CEP290: variants seen among roughly 807,000 people sequenced by gnomAD.
The protein encoded by CEP290 is centrosomal protein 290.
A neutral mutation model predicts 344.9 loss-of-function variants in CEP290; 317 were observed. The observed-to-expected ratio is 0.92, with a 90% CI of 0.84 to 1.01. The LOEUF (loss-of-function observed/expected upper bound fraction) is 1.01, where lower values mean the gene tolerates loss of function less well. Ranked by LOEUF, CEP290 falls within the 50% of genes least tolerant of loss-of-function variation. CEP290 has a pLI of 0.00. For synonymous variants in CEP290, 932 were observed against 895.8 expected, an observed-to-expected ratio of 1.04 and a Z score of -0.72; for missense variants, 2,754 against 2,761.4, an observed-to-expected ratio of 1.00 and a Z score of 0.06.
At chr12:88,051,795 A>C (rs1333408812) in intron 52 of CEP290, 1 of 152,134 alleles carries the variant, frequency 6.6e-6, no homozygotes, top group Non-Finnish European at 1.5e-5. Context: ...GAAAATTATA[A>C]AATTTTCCTC....
intron 18 of CEP290, 25 bp downstream of exon 18, chr12:88,117,006 ACT>A (rs1193849722): frequency 1.0e-6 from 1 of 968,410 alleles, no homozygotes; most frequent in Non-Finnish European, 1.6e-6. Flanking sequence ...ATTTTCCTTT[ACT>A]CTCTTTGCAA....
At chr12:88,050,810 C>T (rs1475200431) in intron 52 of CEP290, among the ~76,000 whole-genome samples, 1 of 152,154 alleles carries the variant, frequency 6.6e-6, no homozygotes, top group Non-Finnish European at 1.5e-5. Flanking sequence ...TAGCCAAATG[C>T]TCCCGCTATC....
intron 52 of CEP290, 98 bp from the exon 53 acceptor site, chr12:88,050,531 A>C: frequency 1.7e-6 from 1 of 583,392 alleles, no homozygotes; most frequent in Non-Finnish European, 3.0e-6. Context: ...ACATTTTATG[A>C]AACCTAGAAC....
intron 52 of CEP290, among the ~76,000 whole-genome samples, chr12:88,051,422 C>G (rs186763494): frequency 6.6e-6 from 1 of 152,236 alleles, no homozygotes; most frequent in East Asian, 1.9e-4. Context: ...TGGTCTCGAA[C>G]TCCTGACCTC....
At chr12:88,079,926 T>C (rs2036067862) in intron 38 of CEP290, among the ~76,000 whole-genome samples, 1 of 152,170 alleles carries the variant, frequency 6.6e-6, no homozygotes, top group African/African-American at 2.4e-5. Context: ...GTAATGTACA[T>C]TAAGATTTTT....
intron 25 of CEP290, among the ~76,000 whole-genome samples, chr12:88,105,101 A>G (rs2038181075): frequency 1.3e-5 from 2 of 152,192 alleles, no homozygotes; most frequent in Admixed American, 6.5e-5. Flanking sequence ...ACTAAAAGGA[A>G]CCTGGGCTCT....
At chr12:88,088,950 A>G (rs1468318119) in intron 31 of CEP290, 82 bp downstream of exon 31, 2 of 980,364 alleles carry the variant, frequency 2.0e-6, no homozygotes, top group East Asian at 5.2e-5. Context: ...AGTTCCAGCT[A>G]TGTTTGCACC....
intron 5 of CEP290, among the ~76,000 whole-genome samples, chr12:88,138,320 C>T (rs957546027): frequency 6.6e-6 from 1 of 152,184 alleles, no homozygotes; most frequent in African/African-American, 2.4e-5. Flanking sequence ...AGCTACCTAG[C>T]TAAACACTAA....
chr12:88,097,741 T>C (rs527625537), intron 26 of CEP290, among the ~76,000 whole-genome samples: 9 of 152,262 alleles, frequency 5.9e-5, no homozygotes, highest in African/African-American at 2.2e-4. Context: ...ACTAAAGCTG[T>C]ACATTCATTT....
intron 43 of CEP290, among the ~76,000 whole-genome samples, chr12:88,069,602 T>C (rs1382144537): frequency 6.6e-6 from 1 of 152,156 alleles, no homozygotes; most frequent in African/African-American, 2.4e-5. Flanking sequence ...GTTTTCCCTA[T>C]CAAGGAAACT....
intron 27 of CEP290, 53 bp from the exon 28 acceptor site, chr12:88,094,028 T>C (rs2037249562): frequency 2.2e-6 from 3 of 1,335,706 alleles, no homozygotes; most frequent in Admixed American, 4.6e-5. Flanking sequence ...TAAAATTACC[T>C]CAGATATTTT....
Position 88,083,150 on chromosome 12 carries a change from T to G in CEP290, c.4893A>C (p.Ala1631=), listed in dbSNP as rs752956198. Residue 1631 remains alanine (A), a synonymous_variant, in exon 37 of 54, where the codon GCA becomes GCC. Transcript: ENST00000552810. ...IRLAEMEQTV[A]EQDDSLSSLL... The stretch of plus-strand genomic sequence containing the variant: ...GTGAGGAAAGAGAGTCATCTTGTTC[T>G]GCTACTGTCTGTTCCATCTCAGCCA... The G allele has an allele frequency of 1.3e-6, 2 of 1,556,538 alleles. No homozygotes were observed. Among genetic ancestry groups the G allele is most frequent in the Non-Finnish European group, 1.7e-6 (2 of 1,150,434 alleles).
chr12:88,118,412 C>T, intron 17 of CEP290, 71 bp downstream of exon 17: 1 of 1,238,444 alleles, frequency 8.1e-7, no homozygotes, highest in Non-Finnish European at 1.1e-6. Context: ...AGCTAAGACA[C>T]AAATAATTTC....
chr12:88,129,165 T>TAC (rs2039917018), intron 10 of CEP290, 130 bp from the exon 11 acceptor site: 3 of 314,614 alleles, frequency 9.5e-6, no homozygotes, highest in Non-Finnish European at 1.7e-5. Context: ...CATACTTATA[T>TAC]ACACATACAT....
At chr12:88,139,452 T>G in intron 4 of CEP290, 43 bp downstream of exon 4, 1 of 1,390,702 alleles carries the variant, frequency 7.2e-7, no homozygotes, top group South Asian at 1.4e-5. Context: ...ACAAATGGAA[T>G]TCATTATTTA....
rs1348715646 is a variant in CEP290 at position 88,083,107 on chromosome 12, T to C, written c.4936A>G (p.Lys1646Glu). 6.5e-7 allele frequency: 1 copy of C among 1,542,284 alleles called. No individual in the cohort carries two copies. ...SLSSLLVKLK[K>E]VSQDLERQRE... ...TGTCTCTCCAAATCTTGTGATACTT[T>C]CTTTAGTTTGACCAAGAGTGAGGAA... Residue 1646 changes from lysine to glutamate, a missense_variant, in exon 37 of 54, where the codon AAA (lysine) becomes GAA (glutamate). Coordinates refer to ENST00000552810, the MANE Select transcript of CEP290 (RefSeq NM_025114.4).
At position 88,130,277 on chromosome 12, in the gene CEP290, A is replaced by G. The variant is rs777201814; in HGVS notation, c.660T>C (p.Asp220=). The change falls in exon 9 of 54, where the codon GAT becomes GAC. Residue 220 remains aspartate (D), a synonymous_variant. Transcript: ENST00000552810. ...CTTCTAGCCATTTTACCTGAATTTCATCAAGATATTGGATAAGCTCATAGT... is the reference window on the plus strand; with the variant it reads ...CTTCTAGCCATTTTACCTGAATTTCGTCAAGATATTGGATAAGCTCATAGT... ...KKNYELIQYL[D]EIQTLTEANE... The G allele has an allele frequency of 3.8e-5, 61 of 1,599,330 alleles. No homozygotes were observed. The highest frequency in any genetic ancestry group is 4.9e-5 in the Non-Finnish European group (58 of 1,176,134).
intron 8 of CEP290, 45 bp from the exon 9 acceptor site, chr12:88,130,465 A>G: frequency 6.3e-7 from 1 of 1,597,886 alleles, no homozygotes; most frequent in Non-Finnish European, 8.5e-7. Context: ...ACTATTCAGA[A>G]TAACAAAATC....
intron 11 of CEP290, among the ~76,000 whole-genome samples, chr12:88,127,038 A>G (rs1294766634): frequency 3.3e-5 from 5 of 152,280 alleles, no homozygotes; most frequent in Non-Finnish European, 7.3e-5. Flanking sequence ...AGATATTAAA[A>G]CATACACAAA....
Sources: allele counts gnomAD v4.1 joint callset (sites outside exome capture counted in the v4.1 genomes callset), GRCh38; gene constraint gnomAD v4.1.1; transcripts MANE v1.5; gene names NCBI Gene and HGNC (gene_info 2026-07-23, HGNC 2026-07-21).